Variants in TMEM45B observed in about 807,000 individuals in gnomAD.
TMEM45B encodes the protein transmembrane protein 45B.
Under a neutral mutation model 27.3 loss-of-function variants are expected in TMEM45B, and 29 were observed. The ratio of observed to expected loss-of-function variants is 1.06; its 90% CI spans 0.79 to 1.45. TMEM45B has a LOEUF of 1.45. Among genes scored for constraint, TMEM45B ranks in the 40% most tolerant of loss-of-function variants. The pLI, the probability that TMEM45B is intolerant of heterozygous loss-of-function variation, is 0.00. For synonymous variants in TMEM45B, 143 were observed against 134.7 expected, an observed-to-expected ratio of 1.06 and a Z score of -0.43; for missense variants, 348 against 343.9, an observed-to-expected ratio of 1.01 and a Z score of -0.09.
In TMEM45B at chr11:129,858,828, A is replaced by G. The variant is rs1197001368; in HGVS notation, c.*143A>G. On this transcript the variant is annotated 3_prime_UTR_variant, in exon 6 of 6. Coordinates refer to ENST00000281441, the MANE Select transcript of TMEM45B (RefSeq NM_138788.5). The stretch of plus-strand genomic sequence containing the variant: ...CATTCAACACAGGGCTGGAGGTTCT[A>G]CAACAGGAAATCAGGCCTACAGCAT... 1.8e-6 allele frequency: 1 copy of G among 565,570 alleles called. No homozygotes were observed. Among genetic ancestry groups the G allele is most frequent in the Non-Finnish European group, 3.1e-6 (1 of 325,732 alleles). 35.0% of individuals were successfully genotyped at this position (565,570 alleles called of 1,614,324 possible). A position where few individuals can be genotyped will look rare whatever the true frequency, so the allele number is the denominator to read the frequency against.
At chr11:129,852,128 G>A (rs1196592493) in intron 1 of TMEM45B, among the ~76,000 whole-genome samples, 1 of 152,106 alleles carries the variant, frequency 6.6e-6, no homozygotes, top group Non-Finnish European at 1.5e-5. Flanking sequence ...TGCTTATATA[G>A]CTGAACGTTT....
intron 1 of TMEM45B, among the ~76,000 whole-genome samples, chr11:129,838,764 G>A (rs1255094113): frequency 2.0e-5 from 3 of 152,178 alleles, no homozygotes; most frequent in Non-Finnish European, 4.4e-5. Flanking sequence ...TAATGTTAGA[G>A]AGTGCTGGTT....
intron 5 of TMEM45B, among the ~76,000 whole-genome samples, chr11:129,857,695 G>T (rs942755462): frequency 3.9e-5 from 6 of 152,164 alleles, no homozygotes; most frequent in Non-Finnish European, 8.8e-5. Context: ...TCAAATGCAG[G>T]TCTCACAGAT....
chr11:129,831,442 C>T (rs531894907), intron 1 of TMEM45B, among the ~76,000 whole-genome samples: 7 of 152,288 alleles, frequency 4.6e-5, no homozygotes, highest in African/African-American at 1.4e-4. Flanking sequence ...CTGGAGAAAG[C>T]GATGATTCAT....
chr11:129,855,335 G>C (rs570463339), intron 3 of TMEM45B, among the ~76,000 whole-genome samples: 31 of 151,750 alleles, frequency 2.0e-4, no homozygotes, highest in Admixed American at 1.7e-3. Context: ...CACACTGACT[G>C]GGGTATGAAA....
chr11:129,838,396 C>T (rs12277440), intron 1 of TMEM45B, among the ~76,000 whole-genome samples: 3,445 of 152,196 alleles, frequency 0.023, 137 homozygotes, highest in African/African-American at 0.078. Context: ...ATGGCTTAAC[C>T]TTGTACTATG....
chr11:129,832,981 C>G (rs1393071148), intron 1 of TMEM45B, among the ~76,000 whole-genome samples: 2 of 152,164 alleles, frequency 1.3e-5, no homozygotes, highest in Non-Finnish European at 2.9e-5. Flanking sequence ...GTGGCTCACA[C>G]CTGTAATCCC....
At chr11:129,844,866 C>A (rs1013976699) in intron 1 of TMEM45B, among the ~76,000 whole-genome samples, 1 of 151,996 alleles carries the variant, frequency 6.6e-6, no homozygotes, top group South Asian at 2.1e-4. Context: ...ATGTTATATA[C>A]CCTGAGTATA....
chr11:129,831,192 T>C (rs1469804378), intron 1 of TMEM45B, among the ~76,000 whole-genome samples: 1 of 152,252 alleles, frequency 6.6e-6, no homozygotes. Flanking sequence ...AGATTCATTT[T>C]TACTGTAGAT....
intron 1 of TMEM45B, among the ~76,000 whole-genome samples, chr11:129,824,950 A>T (rs2135555482): frequency 6.6e-6 from 1 of 152,228 alleles, no homozygotes; most frequent in Non-Finnish European, 1.5e-5. Context: ...GGACACTGTC[A>T]GGTTCATGGT....
At chr11:129,851,742 C>A (rs1472667861) in intron 1 of TMEM45B, among the ~76,000 whole-genome samples, 3 of 152,004 alleles carry the variant, frequency 2.0e-5, no homozygotes, top group Admixed American at 6.6e-5. Context: ...TAGTTTCATG[C>A]TACTGCAAAT....
In TMEM45B at chr11:129,841,614, CAA is replaced by C. The variant is rs1462585046; in HGVS notation, c.-8-10860_-8-10859del. On this transcript the variant is annotated intron_variant, in intron 1 of 5. Transcript: ENST00000281441. ...TTTGTTTTTTTTTTTTTTTTGGAGA[CAA>C]GAGTCTCACTCTGTCGCCCGCCCAG... Among the ~76,000 whole-genome samples the C allele has an allele frequency of 2.0e-4, 24 of 120,974 alleles. No homozygotes were observed. In the Admixed American group the frequency reaches 2.4e-3, roughly 12 times the overall value. The allele number at this position is 120,974 out of a possible 152,430, so 79.4% of individuals were successfully genotyped here.
intron 1 of TMEM45B, among the ~76,000 whole-genome samples, chr11:129,851,214 G>A (rs554397280): frequency 6.6e-6 from 1 of 152,286 alleles, no homozygotes; most frequent in East Asian, 1.9e-4. Context: ...CCTAGTTCAG[G>A]AGGGAGGGGC....
At chr11:129,816,628 A>G (rs529836062) in intron 1 of TMEM45B, among the ~76,000 whole-genome samples, 120 of 152,242 alleles carry the variant, frequency 7.9e-4, no homozygotes, top group African/African-American at 2.3e-3. Context: ...AGAGGGAAGA[A>G]AGATGTGAGT....
At chr11:129,837,585 C>CTTTGTTTTTTTTTTTTTT (rs1947637011) in intron 1 of TMEM45B, among the ~76,000 whole-genome samples, 1 of 80,294 alleles carries the variant, frequency 1.2e-5, no homozygotes. Flanking sequence ...CTGCACTGGG[C>CTTTGTTTTTTTTTTTTTT]TTTTTTTTTT....
intron 1 of TMEM45B, among the ~76,000 whole-genome samples, chr11:129,835,095 G>A (rs1307930959): frequency 6.6e-6 from 1 of 152,198 alleles, no homozygotes; most frequent in African/African-American, 2.4e-5. Flanking sequence ...AGTACTGAAG[G>A]TGGCCTGATT....
chr11:129,846,573 TGCGGTAA>T (rs1469402728), intron 1 of TMEM45B, among the ~76,000 whole-genome samples: 1 of 152,208 alleles, frequency 6.6e-6, no homozygotes, highest in African/African-American at 2.4e-5. Context: ...TGTCTGGCCC[TGCGGTAA>T]GCTGTGGACT....
intron 5 of TMEM45B, 69 bp from the exon 6 acceptor site, chr11:129,858,505 C>A (rs1367714197): frequency 9.7e-7 from 1 of 1,033,048 alleles, no homozygotes; most frequent in South Asian, 1.5e-5. Flanking sequence ...TCAGTAGATG[C>A]CTTCACATCC....
intron 1 of TMEM45B, among the ~76,000 whole-genome samples, chr11:129,826,409 C>T (rs1454906906): frequency 3.3e-5 from 5 of 151,498 alleles, no homozygotes; most frequent in South Asian, 2.1e-4. Flanking sequence ...ATTAGCTGGG[C>T]GTGGTGGCGG....
Sources: gnomAD v4.1 joint callset for allele counts (sites outside exome capture counted in the v4.1 genomes callset) on GRCh38, gnomAD v4.1.1 for gene constraint, MANE v1.5 for transcripts, NCBI Gene and HGNC (gene_info 2026-07-23, HGNC 2026-07-21) for gene names.